Variants in UNC80 observed in about 807,000 individuals in gnomAD.
The protein encoded by UNC80 is protein unc-80 homolog.
UNC80 carries 164 observed loss-of-function variants against 384.6 expected under a neutral mutation model. The observed-to-expected ratio is 0.43, with a 90% CI of 0.38 to 0.49. The LOEUF (loss-of-function observed/expected upper bound fraction) is 0.49, where lower values mean the gene tolerates loss of function less well. Among genes scored for constraint, UNC80 ranks in the 20% least tolerant of loss-of-function variants. The pLI, the probability that UNC80 is intolerant of heterozygous loss-of-function variation, is 0.00. For missense variants in UNC80, 3,330 were observed against 4,143.0 expected (o/e 0.80, Z 5.39); for synonymous variants, 1,486 against 1,527.8 (o/e 0.97, Z 0.64).
intron 7 of UNC80, among the ~76,000 whole-genome samples, chr2:209,797,678 A>G (rs1400496798): frequency 6.6e-6 from 1 of 152,174 alleles, no homozygotes; most frequent in African/African-American, 2.4e-5. Context: ...ATACCCAGTA[A>G]TAGGATTGCT....
chr2:209,899,598 G>A (rs2087167119), intron 28 of UNC80, among the ~76,000 whole-genome samples: 1 of 152,148 alleles, frequency 6.6e-6, no homozygotes, highest in Admixed American at 6.5e-5. Context: ...AGTCCAGTCA[G>A]GGACTATACT....
rs137859316 is a variant in UNC80 at position 209,953,949 on chromosome 2, G to A, written c.7287-151G>A. The A allele has an allele frequency of 1.2e-3, 932 of 788,914 alleles. 8 individuals are homozygous for A. The African/African-American group carries it at 0.014, about 12-fold the overall frequency. The allele number at this position is 788,914 out of a possible 1,614,324, so 48.9% of individuals were successfully genotyped here. On this transcript the variant is annotated intron_variant, in intron 47 of 64. Coordinates refer to ENST00000673920, the MANE Select transcript of UNC80 (RefSeq NM_001371986.1). ...TAATAATTGTTGGTCAACATTTCCAGCAGCTTTAACTGCTTTTGATTAGGA... is the reference window on the plus strand; with the variant it reads ...TAATAATTGTTGGTCAACATTTCCAACAGCTTTAACTGCTTTTGATTAGGA...
intron 51 of UNC80, among the ~76,000 whole-genome samples, chr2:209,966,578 A>G (rs527312277): frequency 3.9e-5 from 6 of 152,344 alleles, no homozygotes; most frequent in Admixed American, 2.6e-4. Context: ...TTCATTAACT[A>G]TTACATTTAC....
chr2:209,973,331 T>C, intron 56 of UNC80, 61 bp downstream of exon 56: 1 of 1,378,160 alleles, frequency 7.3e-7, no homozygotes, highest in Non-Finnish European at 9.9e-7. Flanking sequence ...TATGTGAAAA[T>C]ATATGTGTAG....
intron 3 of UNC80, 56 bp from the exon 4 acceptor site, chr2:209,777,202 C>A (rs1381152966): frequency 6.6e-7 from 1 of 1,508,584 alleles, no homozygotes. Flanking sequence ...TTGTTGACAT[C>A]TATTGCCCTG....
chr2:209,773,224 G>C, intron 2 of UNC80, 82 bp downstream of exon 2: 1 of 1,180,974 alleles, frequency 8.5e-7, no homozygotes, highest in East Asian at 2.4e-5. Context: ...AAATCAAACG[G>C]ACTATATATA....
At chr2:209,991,609 A>T (rs1040958404) in intron 61 of UNC80, among the ~76,000 whole-genome samples, 2 of 152,184 alleles carry the variant, frequency 1.3e-5, no homozygotes, top group African/African-American at 2.4e-5. Context: ...AACCATTTTT[A>T]AAAAAACATT....
At chr2:209,802,152 G>A (rs1354771420) in intron 7 of UNC80, among the ~76,000 whole-genome samples, 1 of 152,108 alleles carries the variant, frequency 6.6e-6, no homozygotes, top group African/African-American at 2.4e-5. Context: ...GCTGGGAGAG[G>A]GGGATGGATG....
rs1250201768 is a variant in UNC80, at chr2:209,976,543, C to T, written c.8772+240C>T. 6.6e-6 allele frequency among the ~76,000 whole-genome samples: 1 copy of T among 152,158 alleles called. No individual in the cohort carries two copies. Among genetic ancestry groups the T allele is most frequent in the Non-Finnish European group, 1.5e-5 (1 of 68,026 alleles). ...GAGTCTGTAAAACTTTGCCCGCTCC[C>T]TACTAATCATCCCCCACTCTACCCA... On this transcript the variant is annotated intron_variant, in intron 57 of 64. Transcript: ENST00000673920. This position sits in a 1 kb window ranked among gnomAD's most constrained non-coding sequence, Gnocchi z 4.3.
chr2:209,932,349 C>T lies in UNC80; in HGVS notation c.5994+1295C>T, dbSNP rs994222101. ...ACTTCTGGGTTCTGTCTACACCACA[C>T]GAAAACCAAAGGTGGATTTGGAAAG... On this transcript the variant is annotated intron_variant, in intron 38 of 64. Transcript: ENST00000673920. Among the ~76,000 whole-genome samples, 3 of 152,164 alleles carry T rather than the reference C, an allele frequency of 2.0e-5. 1 individual carries two copies. Among genetic ancestry groups the T allele is most frequent in the East Asian group, 3.8e-4 (2 of 5,196 alleles).
chr2:209,912,508 T>C (rs1444211637), intron 29 of UNC80, 52 bp from the exon 30 acceptor site: 2 of 1,317,002 alleles, frequency 1.5e-6, no homozygotes, highest in East Asian at 2.7e-5. Flanking sequence ...ATAGCACTGT[T>C]GGGTTTTTAG....
chr2:209,814,936 ATCAT>A (rs2079623089), intron 8 of UNC80, among the ~76,000 whole-genome samples: 1 of 152,050 alleles, frequency 6.6e-6, no homozygotes, highest in African/African-American at 2.4e-5. Flanking sequence ...GCTTTACTGA[ATCAT>A]TCAATGGAAA....
intron 28 of UNC80, among the ~76,000 whole-genome samples, chr2:209,903,248 G>T (rs2087636221): frequency 7.1e-6 from 1 of 141,204 alleles, no homozygotes; most frequent in Admixed American, 7.7e-5. Flanking sequence ...TGAATCCACG[G>T]ATACAGAAAC....
intron 18 of UNC80, among the ~76,000 whole-genome samples, chr2:209,837,448 T>C (rs2081401324): frequency 6.6e-6 from 1 of 152,212 alleles, no homozygotes; most frequent in Non-Finnish European, 1.5e-5. Context: ...CTTGGTGTAT[T>C]ATGTTGGAGA....
Position 209,995,490 on chromosome 2 carries a change from C to A in UNC80, c.9870C>A (p.Ile3290=). 1 of 1,551,828 alleles carries A rather than the reference C, an allele frequency of 6.4e-7. No homozygotes were observed. The highest frequency in any genetic ancestry group is 8.7e-7 in the Non-Finnish European group (1 of 1,147,032). The change falls in exon 65 of 65, where the codon ATC becomes ATA. Residue 3290 remains isoleucine, a synonymous_variant. Transcript: ENST00000673920. ...LLQHGDTVLH[I]SEENGMENPL... is the part of the protein sequence containing the mutation. ...AGCATGGAGACACTGTCCTTCATAT[C>A]AGTGAGGAAAATGGCATGGAGAACC...
chr2:209,972,709 A>G (rs1281334951), intron 55 of UNC80, among the ~76,000 whole-genome samples: 7 of 152,214 alleles, frequency 4.6e-5, no homozygotes, highest in African/African-American at 1.2e-4. Context: ...TTAAATTCCA[A>G]TGTATTTTCA....
chr2:209,873,751 G>A (rs1289902280), intron 23 of UNC80, among the ~76,000 whole-genome samples: 3 of 152,116 alleles, frequency 2.0e-5, no homozygotes, highest in African/African-American at 7.2e-5. Context: ...TACAATTTCC[G>A]TTAATAATTC....
intron 7 of UNC80, chr2:209,809,328 C>T (rs71420773): frequency 0.089 from 69,955 of 787,880 alleles, 4,220 homozygotes; most frequent in South Asian, 0.22. Context: ...TGCCCTTCGC[C>T]TGCGAAACCT....
In UNC80 at chr2:209,904,950, C is replaced by A. The variant is rs1308154134; in HGVS notation, c.4767C>A (p.Gly1589=). ...SSNISSVALR[G]KKQKECSDKS... ...ACATCAGCAGTGTGGCTCTCCGGGG[C>A]AAGAAACAGAAAGAAGTAAGTAAAT... The change falls in exon 29 of 65, where the codon GGC becomes GGA. Residue 1589 remains glycine (G), a synonymous_variant. Transcript: ENST00000673920. The A allele has an allele frequency of 5.8e-6, 9 of 1,551,556 alleles. No individual in the cohort carries two copies. In the Admixed American group the frequency reaches 1.8e-4, roughly 30 times the overall value.
Sources: gnomAD v4.1 joint callset for allele counts (sites outside exome capture counted in the v4.1 genomes callset) on GRCh38, gnomAD v4.1.1 for gene constraint, Gnocchi (gnomAD v3.1) non-coding constraint, MANE v1.5 for transcripts, NCBI Gene and HGNC (gene_info 2026-07-23, HGNC 2026-07-21) for gene names.